F13A1: variants seen among roughly 807,000 people sequenced by gnomAD.
F13A1 encodes the protein coagulation factor XIII A chain, also known as FSF, A subunit.
A neutral mutation model predicts 80.1 loss-of-function variants in F13A1; 47 were observed. That is an observed-to-expected ratio of 0.59 (90% CI 0.46 to 0.75). F13A1 has a LOEUF of 0.75. Among genes scored for constraint, F13A1 ranks in the 30% least tolerant of loss-of-function variants. The probability of loss-of-function intolerance (pLI) is 0.00; values close to 1 mark genes in which losing one functional copy is unlikely to be tolerated. For missense variants in F13A1, 817 were observed against 930.4 expected (o/e 0.88, Z 1.59); for synonymous variants, 349 against 344.9 (o/e 1.01, Z -0.13).
At chr6:6,287,278 T>A (rs1027907233) in intron 3 of F13A1, among the ~76,000 whole-genome samples, 11 of 152,194 alleles carry the variant, frequency 7.2e-5, no homozygotes, top group Admixed American at 7.2e-4. Context: ...TGTCTTAGAA[T>A]TTATGTGGAA....
At chr6:6,275,423 G>A (rs1733822189) in intron 3 of F13A1, among the ~76,000 whole-genome samples, 1 of 152,122 alleles carries the variant, frequency 6.6e-6, no homozygotes, top group South Asian at 2.1e-4. Flanking sequence ...AGGCTGGAGT[G>A]CAGGGGTGCC....
intron 8 of F13A1, among the ~76,000 whole-genome samples, chr6:6,201,890 CA>C (rs1416955075): frequency 6.6e-6 from 1 of 152,102 alleles, no homozygotes; most frequent in African/African-American, 2.4e-5. Context: ...ATCTAATTTT[CA>C]ATATACAGTA....
At chr6:6,218,693 G>A (rs1757141188) in intron 8 of F13A1, among the ~76,000 whole-genome samples, 1 of 152,202 alleles carries the variant, frequency 6.6e-6, no homozygotes, top group African/African-American at 2.4e-5. Flanking sequence ...GCCCCCCTGA[G>A]GTGAGGCTCC....
chr6:6,253,601 G>A (rs1482269913), intron 4 of F13A1, among the ~76,000 whole-genome samples: 3 of 152,186 alleles, frequency 2.0e-5, no homozygotes, highest in Non-Finnish European at 4.4e-5. Context: ...GCCCAGTCTG[G>A]ATGAGCCCAA....
At chr6:6,172,754 A>G (rs1270310379) in intron 12 of F13A1, among the ~76,000 whole-genome samples, 1 of 152,062 alleles carries the variant, frequency 6.6e-6, no homozygotes, top group African/African-American at 2.4e-5. Context: ...GCCCCACTAT[A>G]GTGATTTCTT....
intron 8 of F13A1, among the ~76,000 whole-genome samples, chr6:6,208,821 T>C (rs750109906): frequency 3.9e-5 from 6 of 152,150 alleles, no homozygotes; most frequent in Non-Finnish European, 5.9e-5. Flanking sequence ...ACTTCATACA[T>C]ACATAAAAAG....
intron 10 of F13A1, 66 bp downstream of exon 10, chr6:6,195,731 G>T: frequency 1.4e-6 from 2 of 1,440,356 alleles, no homozygotes; most frequent in East Asian, 2.3e-5. Context: ...ACAACTTTTA[G>T]CTTACTCTTT....
At position 6,162,314 on chromosome 6, in the gene F13A1, C is replaced by T. The variant is rs4142292; in HGVS notation, c.1908+5144G>A. Among the ~76,000 whole-genome samples, 49,049 of 152,010 alleles carry T rather than the reference C, an allele frequency of 0.32. 8,154 individuals are homozygous for T. Among genetic ancestry groups the T allele is most frequent in the African/African-American group, 0.38 (15,651 of 41,436 alleles). On this transcript the variant is annotated intron_variant, in intron 13 of 14. Coordinates refer to ENST00000264870, the MANE Select transcript of F13A1 (RefSeq NM_000129.4). This position sits in a 1 kb window ranked among gnomAD's most constrained non-coding sequence, Gnocchi z 4.2. Reference sequence around the variant, plus strand: ...CTGCTCTACATACTGCCGTCCACCTCCCCTCTAGCCCTTGCTAACATTTTC... The same window carrying T: ...CTGCTCTACATACTGCCGTCCACCTTCCCTCTAGCCCTTGCTAACATTTTC...
intron 14 of F13A1, among the ~76,000 whole-genome samples, chr6:6,146,560 G>C (rs1347600746): frequency 6.6e-6 from 1 of 152,074 alleles, no homozygotes; most frequent in African/African-American, 2.4e-5. Flanking sequence ...GTGTTCTCTG[G>C]GGTGCTTCAC....
intron 9 of F13A1, 88 bp downstream of exon 9, chr6:6,197,135 G>T: frequency 8.1e-7 from 1 of 1,241,722 alleles, no homozygotes; most frequent in Non-Finnish European, 1.2e-6. Context: ...CTCCCAATGG[G>T]CGTGGTTCCC....
chr6:6,208,773 C>T lies in F13A1; in HGVS notation c.1113-11447G>A, dbSNP rs190035228. On this transcript the variant is annotated intron_variant, in intron 8 of 14. Coordinates refer to ENST00000264870, the MANE Select transcript of F13A1 (RefSeq NM_000129.4). ...GATGATTTTAGTTTTCTCTCTTATTCGCTCTCTTATTTTTCTCTCTTCTCC... is the reference window on the plus strand; with the variant it reads ...GATGATTTTAGTTTTCTCTCTTATTTGCTCTCTTATTTTTCTCTCTTCTCC... Among the ~76,000 whole-genome samples, 182 of 152,152 alleles carry T rather than the reference C, an allele frequency of 1.2e-3. 1 individual carries two copies. The highest frequency in any genetic ancestry group is 1.9e-3 in the African/African-American group (80 of 41,542).
rs139225135 is a variant in F13A1, at chr6:6,164,272, G to T, written c.1908+3186C>A. ...TACCGCATGTTCTCACTTATAGGTG[G>T]GAGCTAAATGAGGAGAACTTACGAA... On this transcript the variant is annotated intron_variant, in intron 13 of 14. Coordinates refer to ENST00000264870, the MANE Select transcript of F13A1 (RefSeq NM_000129.4). Among the ~76,000 whole-genome samples the T allele has an allele frequency of 3.2e-4, 49 of 152,282 alleles. No homozygotes were observed. In the East Asian group the frequency reaches 7.5e-3, roughly 23 times the overall value.
intron 3 of F13A1, among the ~76,000 whole-genome samples, chr6:6,267,305 A>G (rs770989811): frequency 6.6e-6 from 1 of 152,218 alleles, no homozygotes. Flanking sequence ...TGAATATCAC[A>G]TATACTTGTA....
chr6:6,256,826 A>G (rs1289725680), intron 4 of F13A1, among the ~76,000 whole-genome samples: 6 of 152,174 alleles, frequency 3.9e-5, no homozygotes, highest in Admixed American at 3.3e-4. Flanking sequence ...GCTTATTTAC[A>G]TGCTATTTCA....
At chr6:6,293,158 A>G (rs1758248313) in intron 3 of F13A1, among the ~76,000 whole-genome samples, 1 of 152,140 alleles carries the variant, frequency 6.6e-6, no homozygotes. Flanking sequence ...CCTGTGGTTG[A>G]ACTCCAGGGA....
chr6:6,185,380 G>A (rs530043159), intron 10 of F13A1, among the ~76,000 whole-genome samples: 18 of 144,062 alleles, frequency 1.2e-4, no homozygotes, highest in African/African-American at 3.3e-4. Flanking sequence ...GAGAATATGC[G>A]GTGTTTGGTT....
chr6:6,181,197 CACG>C (rs1366062730), intron 11 of F13A1, among the ~76,000 whole-genome samples: 3 of 152,118 alleles, frequency 2.0e-5, no homozygotes, highest in Non-Finnish European at 4.4e-5. Flanking sequence ...AACCGAGGTC[CACG>C]ACTTCTCTTC....
intron 6 of F13A1, among the ~76,000 whole-genome samples, chr6:6,236,436 C>T (rs187590515): frequency 1.6e-4 from 24 of 152,080 alleles, no homozygotes; most frequent in East Asian, 1.2e-3. Flanking sequence ...AAACATGACC[C>T]GTACTGGACT....
chr6:6,219,836 C>T (rs547942606), intron 8 of F13A1, among the ~76,000 whole-genome samples: 152 of 152,240 alleles, frequency 1.0e-3, no homozygotes, highest in Non-Finnish European at 1.7e-3. Flanking sequence ...TTTTTCTGAC[C>T]GCTTTGATGT....
Sources: gnomAD v4.1 joint callset for allele counts (sites outside exome capture counted in the v4.1 genomes callset) on GRCh38, gnomAD v4.1.1 for gene constraint, Gnocchi (gnomAD v3.1) non-coding constraint, MANE v1.5 for transcripts, NCBI Gene and HGNC (gene_info 2026-07-23, HGNC 2026-07-21) for gene names.